HS6ST3: variants seen among roughly 807,000 people sequenced by gnomAD.
HS6ST3 encodes the protein heparan-sulfate 6-O-sulfotransferase 3.
In HS6ST3, 12 loss-of-function variants were observed where a neutral mutation model predicts 36.7. That is an observed-to-expected ratio of 0.33 (90% CI 0.21 to 0.53). The LOEUF is 0.53. HS6ST3 is among the 20% of genes least tolerant of loss of function. The pLI is 0.95. For missense variants in HS6ST3, 584 were observed against 640.9 expected, an observed-to-expected ratio of 0.91 and a Z score of 0.96; for synonymous variants, 240 against 257.5, an observed-to-expected ratio of 0.93 and a Z score of 0.65.
At chr13:96,741,304 A>G (rs1876432883) in intron 1 of HS6ST3, among the ~76,000 whole-genome samples, 1 of 152,188 alleles carries the variant, frequency 6.6e-6, no homozygotes, top group Non-Finnish European at 1.5e-5. Context: ...AGCCAGAGAC[A>G]ATTTCAAAAG....
chr13:96,638,944 G>A (rs187392906), intron 1 of HS6ST3, among the ~76,000 whole-genome samples: 102 of 152,026 alleles, frequency 6.7e-4, no homozygotes, highest in Non-Finnish European at 1.1e-3. Context: ...TTAGCAATAT[G>A]CATTTAAAAT....
intron 1 of HS6ST3, among the ~76,000 whole-genome samples, chr13:96,525,410 T>G (rs1051967626): frequency 6.6e-6 from 1 of 152,182 alleles, no homozygotes; most frequent in Non-Finnish European, 1.5e-5. Context: ...TAGTTACCAG[T>G]GGACTCTGAA....
chr13:96,166,195 C>T (rs1382995163), intron 1 of HS6ST3, among the ~76,000 whole-genome samples: 1 of 152,042 alleles, frequency 6.6e-6, no homozygotes, highest in Non-Finnish European at 1.5e-5. Flanking sequence ...ATATCTGGGG[C>T]TACAGGCACA....
chr13:96,188,355 C>T (rs912169127), intron 1 of HS6ST3, among the ~76,000 whole-genome samples: 2 of 152,192 alleles, frequency 1.3e-5, no homozygotes, highest in African/African-American at 4.8e-5. Context: ...TGGCTTATGC[C>T]TGTAATCCCA....
rs562230235 is a variant in HS6ST3, at chr13:96,744,527, TTGGCAGTTGCTCACATAAATCAAGTC to T, written c.708-87959_708-87934del. On this transcript the variant is annotated intron_variant, in intron 1 of 1. Coordinates refer to ENST00000376705, the MANE Select transcript of HS6ST3 (RefSeq NM_153456.4). Reference sequence around the variant, plus strand: ...ACTTGCATGAGGGGGAGGTTAAGGATTGGCAGTTGCTCACATAAATCAAGTCTGGTAAGAACCGTATGAATAACTGT... The same window carrying T: ...ACTTGCATGAGGGGGAGGTTAAGGATTGGTAAGAACCGTATGAATAACTGT... Among the ~76,000 whole-genome samples, 707 of 152,172 alleles carry T rather than the reference TTGGCAGTTGCTCACATAAATCAAGTC, an allele frequency of 4.6e-3. 3 individuals carry two copies. The highest frequency in any genetic ancestry group is 0.027 in the Middle Eastern group (8 of 294).
chr13:96,649,066 A>G (rs1208974172), intron 1 of HS6ST3, among the ~76,000 whole-genome samples: 1 of 151,820 alleles, frequency 6.6e-6, no homozygotes, highest in Non-Finnish European at 1.5e-5. Flanking sequence ...TGGACTCCTG[A>G]TTTTCCCCAC....
At chr13:96,808,298 G>A (rs1440454544) in intron 1 of HS6ST3, among the ~76,000 whole-genome samples, 1 of 152,164 alleles carries the variant, frequency 6.6e-6, no homozygotes, top group Non-Finnish European at 1.5e-5. Flanking sequence ...ACCCCATTGT[G>A]GCTGGGTGGG....
intron 1 of HS6ST3, among the ~76,000 whole-genome samples, chr13:96,321,029 T>C (rs187381385): frequency 6.6e-6 from 1 of 152,314 alleles, no homozygotes; most frequent in African/African-American, 2.4e-5. Flanking sequence ...CCAGATGCTA[T>C]TCTTTGCACA....
At chr13:96,559,328 A>G (rs960291932) in intron 1 of HS6ST3, among the ~76,000 whole-genome samples, 1 of 152,108 alleles carries the variant, frequency 6.6e-6, no homozygotes, top group Non-Finnish European at 1.5e-5. Context: ...CATGTTGGCC[A>G]GGCTGGTGTT....
At chr13:96,447,020 A>G (rs1397182888) in intron 1 of HS6ST3, among the ~76,000 whole-genome samples, 3 of 152,100 alleles carry the variant, frequency 2.0e-5, no homozygotes, top group African/African-American at 4.8e-5. Flanking sequence ...TTTTTTAGCT[A>G]GAGCCCTCAA....
At chr13:96,093,875 A>AC (rs2053777122) in intron 1 of HS6ST3, among the ~76,000 whole-genome samples, 1 of 152,204 alleles carries the variant, frequency 6.6e-6, no homozygotes, top group South Asian at 2.1e-4. Context: ...AATGGAGGGT[A>AC]CCTTTTCACA....
chr13:96,713,522 A>G (rs1179615589), intron 1 of HS6ST3, among the ~76,000 whole-genome samples: 2 of 152,216 alleles, frequency 1.3e-5, no homozygotes, highest in South Asian at 2.1e-4. Context: ...CACCTCTCAT[A>G]TATGAATTTT....
At chr13:96,399,594 A>G (rs529148843) in intron 1 of HS6ST3, among the ~76,000 whole-genome samples, 19 of 152,244 alleles carry the variant, frequency 1.2e-4, no homozygotes, top group Non-Finnish European at 2.4e-4. Flanking sequence ...TACTTTGTAC[A>G]AATATAAATA....
chr13:96,590,532 A>G (rs2056378397), intron 1 of HS6ST3, among the ~76,000 whole-genome samples: 1 of 151,044 alleles, frequency 6.6e-6, no homozygotes. Context: ...TTTAAATTGG[A>G]TTATTAGATT....
At chr13:96,783,899 C>T (rs1232835412) in intron 1 of HS6ST3, among the ~76,000 whole-genome samples, 3 of 152,064 alleles carry the variant, frequency 2.0e-5, no homozygotes, top group Admixed American at 6.6e-5. Flanking sequence ...GAAACTCTCA[C>T]GGTGCTGCAC....
intron 1 of HS6ST3, among the ~76,000 whole-genome samples, chr13:96,654,178 A>C (rs902030641): frequency 2.0e-5 from 3 of 152,098 alleles, no homozygotes; most frequent in Admixed American, 6.6e-5. Flanking sequence ...CTCTGATGAT[A>C]GTTTCTTTTG....
At chr13:96,621,955 A>G (rs1293876413) in intron 1 of HS6ST3, among the ~76,000 whole-genome samples, 1 of 152,114 alleles carries the variant, frequency 6.6e-6, no homozygotes, top group Non-Finnish European at 1.5e-5. Context: ...GTGAAACTTA[A>G]ATAAAGCAGT....
At chr13:96,569,108 G>T (rs1214556179) in intron 1 of HS6ST3, among the ~76,000 whole-genome samples, 1 of 152,288 alleles carries the variant, frequency 6.6e-6, no homozygotes, top group Non-Finnish European at 1.5e-5. Context: ...TGATCTCATA[G>T]TGAAAAACTG....
chr13:96,477,453 T>A (rs2055869498), intron 1 of HS6ST3, among the ~76,000 whole-genome samples: 1 of 152,274 alleles, frequency 6.6e-6, no homozygotes, highest in Non-Finnish European at 1.5e-5. Flanking sequence ...TATGTATTTG[T>A]AGGCTTAGGT....
Sources: gnomAD v4.1 joint callset for allele counts (sites outside exome capture counted in the v4.1 genomes callset) on GRCh38, gnomAD v4.1.1 for gene constraint, MANE v1.5 for transcripts, NCBI Gene and HGNC (gene_info 2026-07-23, HGNC 2026-07-21) for gene names.